ZFYVE28: variants seen among roughly 807,000 people sequenced by gnomAD.
The protein encoded by ZFYVE28 is zinc finger FYVE-type containing 28, also known as lateral signaling target protein 2 homolog.
In ZFYVE28, 40 loss-of-function variants were observed where a neutral mutation model predicts 82.1. That is an observed-to-expected ratio of 0.49 (90% confidence interval 0.38 to 0.63). The LOEUF is 0.63. ZFYVE28 is among the 30% of genes least tolerant of loss of function. ZFYVE28 has a pLI of 0.00. For missense variants in ZFYVE28, 1,321 were observed against 1,242.1 expected, an observed-to-expected ratio of 1.06 and a Z score of -0.96; for synonymous variants, 612 against 546.1, an observed-to-expected ratio of 1.12 and a Z score of -1.68.
chr4:2,361,896 G>A (rs1380785624), intron 1 of ZFYVE28, among the ~76,000 whole-genome samples: 1 of 152,138 alleles, frequency 6.6e-6, no homozygotes, highest in Non-Finnish European at 1.5e-5. Flanking sequence ...CGGCAGGGAG[G>A]ATGGGAGCAG....
chr4:2,371,258 C>T (rs534307540), intron 1 of ZFYVE28, among the ~76,000 whole-genome samples: 64 of 152,310 alleles, frequency 4.2e-4, no homozygotes, highest in South Asian at 1.9e-3. Context: ...TGGTTGCCCG[C>T]GTCGTGCTCC....
At chr4:2,368,226 A>C (rs868687966) in intron 1 of ZFYVE28, among the ~76,000 whole-genome samples, 13 of 150,078 alleles carry the variant, frequency 8.7e-5, no homozygotes, top group African/African-American at 2.7e-4. Context: ...AAAAAAAAAA[A>C]AAAACACTGT....
chr4:2,304,924 G>A lies in ZFYVE28; in HGVS notation c.1416C>T (p.Ser472=), dbSNP rs1451294391. The A allele has an allele frequency of 3.1e-6, 5 of 1,612,604 alleles. No homozygotes were observed. Among genetic ancestry groups the A allele is most frequent in the South Asian group, 1.1e-5 (1 of 91,092 alleles). The change falls in exon 8 of 13, where the codon AGC becomes AGT. Residue 472 remains serine, a synonymous_variant. Coordinates refer to ENST00000290974, the MANE Select transcript of ZFYVE28 (RefSeq NM_020972.3). ...AGCTGCAGGAGCTGGTGCCCGCGAG[G>A]CTGGCCCCATCTGTGCCCTCGGCCT... ...NLEAEGTDGA[S]LAGTSSCSCL...
chr4:2,344,075 T>C (rs1056415300), intron 2 of ZFYVE28, among the ~76,000 whole-genome samples: 1 of 152,034 alleles, frequency 6.6e-6, no homozygotes, highest in Admixed American at 6.6e-5. Context: ...ACAAACAAGG[T>C]GAGCCCCATG....
At chr4:2,298,964 G>A (rs1336349157) in intron 8 of ZFYVE28, among the ~76,000 whole-genome samples, 2 of 152,200 alleles carry the variant, frequency 1.3e-5, no homozygotes, top group Admixed American at 1.3e-4. Context: ...CACCACAGAG[G>A]AGCAGCGCGC....
chr4:2,270,715 T>A lies in ZFYVE28; in HGVS notation c.*10A>T. 1 of 1,612,914 alleles carries A rather than the reference T, an allele frequency of 6.2e-7. No individual in the cohort carries two copies. Among genetic ancestry groups the A allele is most frequent in the East Asian group, 2.2e-5 (1 of 44,880 alleles). ...GGCCCGGGTGGGTTGGGGCTGCCCC[T>A]GGCACCACGTCACAGGCCGGCCTTG... On this transcript the variant is annotated 3_prime_UTR_variant, in exon 13 of 13. Coordinates refer to ENST00000290974, the MANE Select transcript of ZFYVE28 (RefSeq NM_020972.3).
At chr4:2,404,550 C>T (rs2157094) in intron 1 of ZFYVE28, among the ~76,000 whole-genome samples, 49,476 of 152,058 alleles carry the variant, frequency 0.33, 8,343 homozygotes, top group East Asian at 0.43. Flanking sequence ...CATGCTACAA[C>T]ATGGATGAAA....
At chr4:2,303,775 T>A (rs553003474) in intron 8 of ZFYVE28, among the ~76,000 whole-genome samples, 1 of 152,158 alleles carries the variant, frequency 6.6e-6, no homozygotes, top group African/African-American at 2.4e-5. Flanking sequence ...GCACCCCTCA[T>A]GGCCCCAGTC....
Position 2,360,595 on chromosome 4 carries a change from C to T in ZFYVE28, c.40-6522G>A, listed in dbSNP as rs1726016932. On this transcript the variant is annotated intron_variant, in intron 1 of 12. Coordinates refer to ENST00000290974, the MANE Select transcript of ZFYVE28 (RefSeq NM_020972.3). The stretch of plus-strand genomic sequence containing the variant: ...CAGGAGGGGTCTTTATTCATTGTGT[C>T]AGTCATCCCACCCAGACCCCTCACT... Among the ~76,000 whole-genome samples, 4 of 152,254 alleles carry T rather than the reference C, an allele frequency of 2.6e-5. No individual in the cohort carries two copies. In the South Asian group the frequency reaches 8.3e-4, roughly 32 times the overall value.
In ZFYVE28 at chr4:2,372,101, G is replaced by T. The variant is rs762843; in HGVS notation, c.40-18028C>A. On this transcript the variant is annotated intron_variant, in intron 1 of 12. Transcript: ENST00000290974. The surrounding 1 kb of genome is among the most constrained non-coding windows in gnomAD (Gnocchi z 5.2). ...TGCAGCGTGTGGCCGGTTCTGGTGC[G>T]CATGGCCCATGTGGACATCTGTCAG... is the stretch of plus-strand genomic sequence containing the variant. Among the ~76,000 whole-genome samples, 1 of 152,006 alleles carries T rather than the reference G, an allele frequency of 6.6e-6. No homozygotes were observed. Among genetic ancestry groups the T allele is most frequent in the Non-Finnish European group, 1.5e-5 (1 of 67,982 alleles).
At chr4:2,387,120 G>A (rs780519903) in intron 1 of ZFYVE28, among the ~76,000 whole-genome samples, 1 of 152,190 alleles carries the variant, frequency 6.6e-6, no homozygotes, top group African/African-American at 2.4e-5. Context: ...GATGGAGAGC[G>A]GTGCCACAGT....
chr4:2,284,120 T>A (rs1196791051), intron 8 of ZFYVE28, among the ~76,000 whole-genome samples: 1 of 152,190 alleles, frequency 6.6e-6, no homozygotes, highest in Non-Finnish European at 1.5e-5. Flanking sequence ...TTCATTGACA[T>A]CAATCGACAG....
rs188537484 is a variant in ZFYVE28 at position 2,332,482 on chromosome 4, G to C, written c.701+3223C>G. Among the ~76,000 whole-genome samples, 249 of 152,262 alleles carry C rather than the reference G, an allele frequency of 1.6e-3. 3 individuals are homozygous for C. Among genetic ancestry groups the C allele is most frequent in the African/African-American group, 5.5e-3 (227 of 41,522 alleles). On this transcript the variant is annotated intron_variant, in intron 6 of 12. Coordinates refer to ENST00000290974, the MANE Select transcript of ZFYVE28 (RefSeq NM_020972.3). The surrounding 1 kb of genome is among the most constrained non-coding windows in gnomAD (Gnocchi z 4.7). ...GCCTTCAGCTCCTGTCCACCCCATG[G>C]GGTCCCTGCACTGAGTCCCCCTTCC...
At position 2,280,640 on chromosome 4, in the gene ZFYVE28, TATC is replaced by T. The variant is rs1711835472; in HGVS notation, c.2052-6427_2052-6425del. ...TTGAGTAGTAAGATTACAGGTAAAT[TATC>T]ATTTTCTAAAGTCTCATCGCGGATC... On this transcript the variant is annotated intron_variant, in intron 8 of 12. Transcript: ENST00000290974. 2.0e-5 allele frequency among the ~76,000 whole-genome samples: 3 copies of T among 152,204 alleles called. No homozygotes were observed. In the South Asian group the frequency reaches 6.2e-4, roughly 31 times the overall value.
chr4:2,379,875 T>A (rs2108913074), intron 1 of ZFYVE28, among the ~76,000 whole-genome samples: 1 of 152,088 alleles, frequency 6.6e-6, no homozygotes, highest in East Asian at 1.9e-4. Context: ...GCGGCTTCCA[T>A]CTCCCGGGTT....
Position 2,305,053 on chromosome 4 carries a change from G to C in ZFYVE28, c.1287C>G (p.Thr429=), listed in dbSNP as rs1309012425. Residue 429 remains threonine, a synonymous_variant, in exon 8 of 13, where the codon ACC becomes ACG. Transcript: ENST00000290974. ...GCCCTTTCTCCTGGGGGTCGGCCCA[G>C]GTACTGCCTGCCCACCCAAATGGGC... ...PAGPFGWAGS[T]WADPQEKGQG... The C allele has an allele frequency of 6.2e-7, 1 of 1,611,856 alleles. No homozygotes were observed. Among genetic ancestry groups the C allele is most frequent in the Non-Finnish European group, 8.5e-7 (1 of 1,179,322 alleles).
chr4:2,407,955 G>A (rs566958868), intron 1 of ZFYVE28, among the ~76,000 whole-genome samples: 10 of 152,258 alleles, frequency 6.6e-5, no homozygotes, highest in Admixed American at 2.6e-4. Context: ...GTGTGCTCAC[G>A]GAGAACCCCT....
At chr4:2,277,314 T>G (rs529073668) in intron 8 of ZFYVE28, among the ~76,000 whole-genome samples, 141 of 152,186 alleles carry the variant, frequency 9.3e-4, no homozygotes, top group Middle Eastern at 3.4e-3. Context: ...ACCCCGTCTC[T>G]AATAAAATAC....
At position 2,305,384 on chromosome 4, in the gene ZFYVE28, G is replaced by A; in HGVS notation, c.956C>T (p.Pro319Leu). ...ALSAPLPPEG[P>L]LSAKAKDPDA... Reference sequence around the variant, plus strand: ...CGGGTCTTTGGCCTTAGCTGAGAGTGGCCCCTCAGGGGGGAGAGGGGCAGA... The same window carrying A: ...CGGGTCTTTGGCCTTAGCTGAGAGTAGCCCCTCAGGGGGGAGAGGGGCAGA... The change falls in exon 8 of 13, where the codon CCA becomes CTA. Residue 319 changes from proline to leucine, a missense_variant. By Grantham distance (98) the Pro-to-Leu change is moderately conservative. Around this residue, in one of 2 missense-constraint regions of ZFYVE28, gnomAD observed 978 missense variants for 833.7 expected, o/e 1.17. Transcript: ENST00000290974. 1 of 1,612,700 alleles carries A rather than the reference G, an allele frequency of 6.2e-7. No homozygotes were observed. Among genetic ancestry groups the A allele is most frequent in the Non-Finnish European group, 8.5e-7 (1 of 1,179,770 alleles).
Sources: allele counts gnomAD v4.1 joint callset (sites outside exome capture counted in the v4.1 genomes callset), GRCh38; gene constraint gnomAD v4.1.1; regional missense constraint gnomAD v4.1.1; non-coding constraint Gnocchi (gnomAD v3.1); transcripts MANE v1.5; gene names NCBI Gene and HGNC (gene_info 2026-07-23, HGNC 2026-07-21).